Variants in SCUBE2 observed in about 807,000 individuals in gnomAD.
SCUBE2 encodes signal peptide, CUB domain and EGF like domain containing 2.
SCUBE2 carries 114 observed loss-of-function variants against 125.9 expected under a neutral mutation model. The observed-to-expected ratio is 0.91, with a 90% CI of 0.78 to 1.06. The LOEUF (loss-of-function observed/expected upper bound fraction) is 1.06, where lower values mean the gene tolerates loss of function less well. Among genes scored for constraint, SCUBE2 ranks in the 50% least tolerant of loss-of-function variants. SCUBE2 has a pLI of 0.00. For synonymous variants in SCUBE2, 459 were observed against 492.9 expected (o/e 0.93, Z 0.91); for missense variants, 1,255 against 1,301.8 (o/e 0.96, Z 0.55).
Position 9,066,734 on chromosome 11 carries a change from T to C in SCUBE2, c.723A>G (p.Pro241=). The change falls in exon 6 of 23, where the codon CCA becomes CCG. Residue 241 remains proline (P), a synonymous_variant. Transcript: ENST00000649792. ...TCCCATCTGTGTGCATCTTGTACTG[T>C]GGATGGCAGCTGCACTCTGGGCCAT... ...TADGPECSCH[P]QYKMHTDGRS... is the part of the protein sequence containing the mutation. 6.2e-7 allele frequency: 1 copy of C among 1,614,174 alleles called. No individual in the cohort carries two copies. The highest frequency in any genetic ancestry group is 1.1e-5 in the South Asian group (1 of 91,062).
chr11:9,053,230 A>T lies in SCUBE2; in HGVS notation c.1331-15T>A. 6.3e-7 allele frequency: 1 copy of T among 1,590,498 alleles called. No homozygotes were observed. The highest frequency in any genetic ancestry group is 8.6e-7 in the Non-Finnish European group (1 of 1,158,596). ...CCCCTTCACTTCTAGACAGGACAAA[A>T]CAGACACTTACAGAAAGAGAAGGAC... On this transcript the variant is annotated splice_polypyrimidine_tract_variant and intron_variant, in intron 11 of 22. Transcript: ENST00000649792.
At chr11:9,040,214 C>T (rs1409371875) in intron 16 of SCUBE2, among the ~76,000 whole-genome samples, 2 of 152,148 alleles carry the variant, frequency 1.3e-5, no homozygotes, top group Admixed American at 6.5e-5. Context: ...TTTTCCTATG[C>T]GTGCTTATTC....
chr11:9,039,097 T>C lies in SCUBE2; in HGVS notation c.2003-5301A>G, dbSNP rs188673216. ...AATAGGGTCTCCTGGGCTCAAGTGG[T>C]CCTCTGTCTCGGCATCCGAAAGTGA... On this transcript the variant is annotated intron_variant, in intron 16 of 22. Transcript: ENST00000649792. Among the ~76,000 whole-genome samples, 367 of 152,150 alleles carry C rather than the reference T, an allele frequency of 2.4e-3. 2 individuals are homozygous for C. The highest frequency in any genetic ancestry group is 8.6e-3 in the African/African-American group (356 of 41,496).
intron 13 of SCUBE2, among the ~76,000 whole-genome samples, chr11:9,052,431 T>C (rs992015333): frequency 6.6e-6 from 1 of 152,242 alleles, no homozygotes; most frequent in African/African-American, 2.4e-5. Context: ...TCCAGGCACA[T>C]TCCCTGGGCC....
At chr11:9,076,469 A>C (rs1447030956) in intron 3 of SCUBE2, among the ~76,000 whole-genome samples, 1 of 151,946 alleles carries the variant, frequency 6.6e-6, no homozygotes, top group Non-Finnish European at 1.5e-5. Flanking sequence ...TTTTGTTTTA[A>C]TTAGCACAGC....
intron 21 of SCUBE2, chr11:9,024,183 A>G: frequency 1.9e-6 from 2 of 1,063,698 alleles, no homozygotes; most frequent in Middle Eastern, 4.4e-4. Flanking sequence ...AAATCAAGAC[A>G]TTTTCATGTG....
intron 21 of SCUBE2, among the ~76,000 whole-genome samples, chr11:9,024,832 T>C (rs992509632): frequency 2.6e-5 from 4 of 152,256 alleles, no homozygotes; most frequent in African/African-American, 9.6e-5. Flanking sequence ...CTGCTGCTGC[T>C]TCCATGCTCA....
At chr11:9,072,702 AC>A (rs1472206294) in intron 4 of SCUBE2, among the ~76,000 whole-genome samples, 3 of 152,230 alleles carry the variant, frequency 2.0e-5, no homozygotes, top group Non-Finnish European at 4.4e-5. Context: ...AGGTTGAAAC[AC>A]AACAGAAAAT....
chr11:9,060,680 C>A (rs1266041859), intron 7 of SCUBE2, among the ~76,000 whole-genome samples, 156 bp from the exon 8 acceptor site: 1 of 152,110 alleles, frequency 6.6e-6, no homozygotes, highest in Non-Finnish European at 1.5e-5. Flanking sequence ...AGGTGCAGCT[C>A]CTCCCACCCC....
chr11:9,086,434 G>T (rs1862069570), intron 2 of SCUBE2, among the ~76,000 whole-genome samples: 1 of 152,078 alleles, frequency 6.6e-6, no homozygotes, highest in African/African-American at 2.4e-5. Context: ...GCCAAGAAAT[G>T]GATAAAGGAG....
chr11:9,026,064 A>G, intron 20 of SCUBE2: 2 of 516,052 alleles, frequency 3.9e-6, no homozygotes, highest in South Asian at 2.6e-5. Flanking sequence ...TACACCTGAA[A>G]GACCTGGGGC....
chr11:9,086,203 T>C (rs1190989708), intron 2 of SCUBE2, among the ~76,000 whole-genome samples: 3 of 152,216 alleles, frequency 2.0e-5, no homozygotes, highest in Non-Finnish European at 4.4e-5. Context: ...AAAGATTACC[T>C]AAAGCAACGT....
chr11:9,074,368 C>T lies in SCUBE2; in HGVS notation c.517+113G>A, dbSNP rs1861045146. The T allele has an allele frequency of 5.1e-6, 7 of 1,363,918 alleles. No homozygotes were observed. The East Asian group carries it at 1.2e-4, about 24-fold the overall frequency. 84.5% of individuals were successfully genotyped at this position (1,363,918 alleles called of 1,614,324 possible). On this transcript the variant is annotated intron_variant, in intron 4 of 22. Coordinates refer to ENST00000649792, the MANE Select transcript of SCUBE2 (RefSeq NM_001367977.2). ...GTGGAGTCTGGACTCGTCCTCAGGC[C>T]TCCAGACTTTCTATACCCTGTGCTT...
At position 9,025,735 on chromosome 11, in the gene SCUBE2, T is replaced by C. The variant is rs1047899592; in HGVS notation, c.2821A>G (p.Arg941Gly). Residue 941 changes from arginine to glycine, a missense_variant, in exon 21 of 23, where the codon AGA (arginine) becomes GGA (glycine). Coordinates refer to ENST00000649792, the MANE Select transcript of SCUBE2 (RefSeq NM_001367977.2). ...GTCACGTATGGGACCTGGAACCCTC[T>C]AGCGCTGTTCCCTTCATTGGACTTG... The part of the protein sequence containing the change: ...QFKSNEGNSA[R>G]GFQVPYVTYD... The C allele has an allele frequency of 6.8e-6, 11 of 1,614,182 alleles. No individual in the cohort carries two copies. The highest frequency in any genetic ancestry group is 9.3e-6 in the Non-Finnish European group (11 of 1,180,022).
At position 9,033,613 on chromosome 11, in the gene SCUBE2, A is replaced by G; in HGVS notation, c.2173+13T>C. ...AGATGGGAGGAGTAGGAAGGAACAG[A>G]CAGCATCCTTACCTCCACATTCAGA... On this transcript the variant is annotated intron_variant, in intron 17 of 22. Transcript: ENST00000649792. 6.2e-7 allele frequency: 1 copy of G among 1,612,082 alleles called. No homozygotes were observed. The highest frequency in any genetic ancestry group is 8.5e-7 in the Non-Finnish European group (1 of 1,179,150).
Position 9,030,056 on chromosome 11 carries a change from A to AG in SCUBE2, c.2342-12dup, listed in dbSNP as rs745750904. On this transcript the variant is annotated splice_polypyrimidine_tract_variant and intron_variant, in intron 18 of 22. Coordinates refer to ENST00000649792, the MANE Select transcript of SCUBE2 (RefSeq NM_001367977.2). ...CAGGTGAACATTGAACTGTGGGTCAAGGGAGGGTGAAAAGAATGAAAAAAA... is the reference window on the plus strand; with the variant it reads ...CAGGTGAACATTGAACTGTGGGTCAAGGGGAGGGTGAAAAGAATGAAAAAAA... 2 of 1,607,438 alleles carry AG rather than the reference A, an allele frequency of 1.2e-6. No homozygotes were observed. The highest frequency in any genetic ancestry group is 1.7e-6 in the Non-Finnish European group (2 of 1,175,196).
At chr11:9,049,115 T>C (rs934575979) in intron 14 of SCUBE2, among the ~76,000 whole-genome samples, 1 of 152,238 alleles carries the variant, frequency 6.6e-6, no homozygotes, top group Admixed American at 6.5e-5. Flanking sequence ...GCTAAGATAG[T>C]ATAGAGTTCC....
intron 7 of SCUBE2, among the ~76,000 whole-genome samples, chr11:9,063,097 T>G (rs887336743): frequency 6.7e-6 from 1 of 149,698 alleles, no homozygotes; most frequent in African/African-American, 2.5e-5. Flanking sequence ...AAAAAAAAAA[T>G]TAGCCAGGCA....
In SCUBE2 at chr11:9,048,011, G is replaced by A; in HGVS notation, c.1727C>T (p.Pro576Leu). 1 of 1,614,190 alleles carries A rather than the reference G, an allele frequency of 6.2e-7. No homozygotes were observed. The highest frequency in any genetic ancestry group is 8.5e-7 in the Non-Finnish European group (1 of 1,180,020). ...GKQVPGAPGR[P>L]STPKEMFITV... is the part of the protein sequence containing the mutation. ...GATAAACATTTCCTTAGGGGTGCTT[G>A]GTCGGCCAGGGGCTCCTGGGACTTG... is the stretch of plus-strand genomic sequence containing the variant. Residue 576 changes from proline to leucine, a missense_variant, in exon 15 of 23, where the codon CCA becomes CTA. Physicochemically the swap from Pro to Leu is moderately conservative, Grantham distance 98 (BLOSUM62 -3). Around this residue, in one of 3 missense-constraint regions of SCUBE2, gnomAD observed 378 missense variants for 463.1 expected, o/e 0.82. Coordinates refer to ENST00000649792, the MANE Select transcript of SCUBE2 (RefSeq NM_001367977.2).
Sources: allele counts gnomAD v4.1 joint callset (sites outside exome capture counted in the v4.1 genomes callset), GRCh38; gene constraint gnomAD v4.1.1; regional missense constraint gnomAD v4.1.1; transcripts MANE v1.5; gene names NCBI Gene and HGNC (gene_info 2026-07-23, HGNC 2026-07-21).